Variants in PALLD observed in about 807,000 individuals in gnomAD.
The protein encoded by PALLD is palladin, cytoskeletal associated protein.
PALLD carries 61 observed loss-of-function variants against 123.5 expected under a neutral mutation model. That is an observed-to-expected ratio of 0.49 (90% CI 0.40 to 0.61). PALLD has a LOEUF of 0.61. Ranked by LOEUF, PALLD falls within the 20% of genes least tolerant of loss-of-function variation. The pLI, the probability that PALLD is intolerant of heterozygous loss-of-function variation, is 0.00. For missense variants in PALLD, 1,273 were observed against 1,377.0 expected, an observed-to-expected ratio of 0.92 and a Z score of 1.20; for synonymous variants, 465 against 496.4, an observed-to-expected ratio of 0.94 and a Z score of 0.84.
intron 10 of PALLD, among the ~76,000 whole-genome samples, chr4:168,887,064 C>A (rs1242736975): frequency 6.8e-6 from 1 of 146,920 alleles, no homozygotes; most frequent in Non-Finnish European, 1.5e-5. Context: ...TTGCAGTGAG[C>A]CGAGATGGTG....
intron 2 of PALLD, among the ~76,000 whole-genome samples, chr4:168,561,791 G>A (rs10018556): frequency 0.37 from 56,200 of 151,792 alleles, 10,679 homozygotes; most frequent in East Asian, 0.65. Flanking sequence ...ATTGATATTC[G>A]GGGGAAGTAG....
intron 15 of PALLD, among the ~76,000 whole-genome samples, chr4:168,908,772 AAC>A (rs1319541923): frequency 1.3e-5 from 2 of 152,340 alleles, no homozygotes; most frequent in African/African-American, 4.8e-5. Flanking sequence ...TCAGTAATGA[AAC>A]ACAGACGGTA....
chr4:168,900,490 T>C (rs1756268838), intron 14 of PALLD, among the ~76,000 whole-genome samples: 1 of 152,058 alleles, frequency 6.6e-6, no homozygotes, highest in Non-Finnish European at 1.5e-5. Context: ...CTCAATGAAA[T>C]AAAAAGCTTA....
At chr4:168,605,938 T>G (rs1580539785) in intron 2 of PALLD, among the ~76,000 whole-genome samples, 1 of 103,378 alleles carries the variant, frequency 9.7e-6, no homozygotes, top group Non-Finnish European at 2.3e-5. Flanking sequence ...GTTTGCCCAA[T>G]TTTTTTTTAG....
intron 2 of PALLD, among the ~76,000 whole-genome samples, chr4:168,626,158 T>C (rs1358719431): frequency 1.3e-5 from 2 of 151,628 alleles, no homozygotes; most frequent in Non-Finnish European, 2.9e-5. Flanking sequence ...CCCAGCACTT[T>C]GGGAGGCCGA....
intron 10 of PALLD, among the ~76,000 whole-genome samples, chr4:168,885,785 A>G (rs1753248428): frequency 1.3e-5 from 2 of 152,206 alleles, no homozygotes; most frequent in African/African-American, 2.4e-5. Flanking sequence ...GATGAATGCA[A>G]TATAAACTGT....
chr4:168,552,967 C>T (rs544612945), intron 2 of PALLD, among the ~76,000 whole-genome samples: 9 of 152,232 alleles, frequency 5.9e-5, no homozygotes, highest in South Asian at 4.1e-4. Flanking sequence ...GGTGCCACCA[C>T]GCCCAGACAA....
At chr4:168,798,836 G>A (rs866603051) in intron 10 of PALLD, among the ~76,000 whole-genome samples, 6 of 152,274 alleles carry the variant, frequency 3.9e-5, no homozygotes, top group Non-Finnish European at 5.9e-5. Context: ...TTGTTAAAGC[G>A]TGAGAGAATT....
chr4:168,731,136 T>C (rs1243552742), intron 10 of PALLD, among the ~76,000 whole-genome samples: 1 of 152,222 alleles, frequency 6.6e-6, no homozygotes, highest in Non-Finnish European at 1.5e-5. Context: ...TGATTCACTC[T>C]CTGTAGGCAC....
chr4:168,883,770 T>C (rs894881827), intron 10 of PALLD, among the ~76,000 whole-genome samples: 2 of 152,200 alleles, frequency 1.3e-5, no homozygotes, highest in African/African-American at 4.8e-5. Flanking sequence ...AGATCAGTAA[T>C]GTTTTTTGTA....
intron 2 of PALLD, among the ~76,000 whole-genome samples, chr4:168,515,298 G>A (rs1377660986): frequency 6.6e-6 from 1 of 152,146 alleles, no homozygotes; most frequent in Admixed American, 6.5e-5. Flanking sequence ...TTTCTATCAG[G>A]AAGAAAACCT....
chr4:168,554,357 C>G (rs1767055090), intron 2 of PALLD, among the ~76,000 whole-genome samples: 1 of 152,186 alleles, frequency 6.6e-6, no homozygotes, highest in Admixed American at 6.5e-5. Context: ...CTCTCTTACT[C>G]TTCAGACCGC....
chr4:168,637,834 C>T (rs1356737640), intron 2 of PALLD, among the ~76,000 whole-genome samples: 1 of 151,586 alleles, frequency 6.6e-6, no homozygotes, highest in Non-Finnish European at 1.5e-5. Context: ...ATCCCAGCTA[C>T]CCGGTTGGCT....
chr4:168,775,570 T>G (rs1267606892), intron 10 of PALLD, among the ~76,000 whole-genome samples: 1 of 152,214 alleles, frequency 6.6e-6, no homozygotes, highest in East Asian at 1.9e-4. Context: ...CTTCTATGTA[T>G]CATGCTTTGA....
chr4:168,555,643 C>A (rs1169698284), intron 2 of PALLD, among the ~76,000 whole-genome samples: 1 of 152,186 alleles, frequency 6.6e-6, no homozygotes, highest in African/African-American at 2.4e-5. Flanking sequence ...CACAATTAAA[C>A]CAGCAGGTGA....
chr4:168,526,800 A>G lies in PALLD; in HGVS notation c.908+14388A>G, dbSNP rs148455911. 1.0e-3 allele frequency among the ~76,000 whole-genome samples: 157 copies of G among 152,298 alleles called. 2 individuals carry two copies. Among genetic ancestry groups the G allele is most frequent in the African/African-American group, 3.6e-3 (150 of 41,540 alleles). On this transcript the variant is annotated intron_variant, in intron 2 of 21. Transcript: ENST00000505667. ...GTGGATCTTAGTTGATCAGAGCAGG[A>G]AACAAGCTTGAAGCCAGGGGTAAAA...
chr4:168,533,589 G>A (rs542010086), intron 2 of PALLD, among the ~76,000 whole-genome samples: 3 of 152,298 alleles, frequency 2.0e-5, no homozygotes, highest in South Asian at 2.1e-4. Context: ...CGATGTTTAC[G>A]TTACGGACTT....
At chr4:168,775,301 G>C (rs1735028758) in intron 10 of PALLD, among the ~76,000 whole-genome samples, 1 of 152,118 alleles carries the variant, frequency 6.6e-6, no homozygotes. Flanking sequence ...CTGATGATTT[G>C]AGCATCTTTT....
chr4:168,814,664 T>C (rs28634845), intron 10 of PALLD, among the ~76,000 whole-genome samples: 103,170 of 152,138 alleles, frequency 0.68, 35,276 homozygotes, highest in Non-Finnish European at 0.71. Context: ...GTGATGCTTC[T>C]GAAGACACTG....
Sources: gnomAD v4.1 joint callset for allele counts (sites outside exome capture counted in the v4.1 genomes callset) on GRCh38, gnomAD v4.1.1 for gene constraint, MANE v1.5 for transcripts, NCBI Gene and HGNC (gene_info 2026-07-23, HGNC 2026-07-21) for gene names.